The following SHROOM4 variants were observed in gnomAD, a reference collection of about 807,000 sequenced individuals.
SHROOM4 encodes shroom family member 4, also known as protein Shroom4.
SHROOM4 carries 17 observed loss-of-function variants against 80.3 expected under a neutral mutation model. The ratio of observed to expected loss-of-function variants is 0.21; its 90% CI spans 0.14 to 0.32. SHROOM4 has a LOEUF of 0.32. SHROOM4 is among the 10% of genes least tolerant of loss of function. The pLI is 1.00. For synonymous variants in SHROOM4, 400 were observed against 437.5 expected (o/e 0.91, Z 1.07); for missense variants, 993 against 1,140.3 (o/e 0.87, Z 1.86).
chrX:50,801,978 A>T (rs1228426824), intron 1 of SHROOM4, among the ~76,000 whole-genome samples: 2 of 112,117 alleles, frequency 1.8e-5, no homozygotes, highest in Non-Finnish European at 3.8e-5. Flanking sequence ...TCTTTACAAC[A>T]TTCGGATTTT....
At chrX:50,667,161 G>A in intron 2 of SHROOM4, among the ~76,000 whole-genome samples, 1 of 111,100 alleles carries the variant, frequency 9.0e-6, no homozygotes. Context: ...ATCCCCAGAA[G>A]GGATCTTGAC....
intron 2 of SHROOM4, among the ~76,000 whole-genome samples, chrX:50,651,346 TCCAC>T (rs1557258721): frequency 7.1e-5 from 8 of 112,066 alleles, no homozygotes; most frequent in Non-Finnish European, 1.5e-4. Flanking sequence ...CCTTACTAAG[TCCAC>T]CTCAGAAAAG....
intron 1 of SHROOM4, among the ~76,000 whole-genome samples, chrX:50,794,696 A>G (rs1360691249): frequency 9.3e-6 from 1 of 106,993 alleles, no homozygotes; most frequent in East Asian, 2.9e-4. Flanking sequence ...TAGATTCACA[A>G]TCTCTAGATT....
intron 1 of SHROOM4, among the ~76,000 whole-genome samples, chrX:50,808,197 C>T (rs1936267039): frequency 8.9e-6 from 1 of 112,030 alleles, no homozygotes; most frequent in East Asian, 2.8e-4. Context: ...AGAGGAAGCA[C>T]CCTTGTTCTG....
At chrX:50,810,923 T>C (rs782673739) in intron 1 of SHROOM4, among the ~76,000 whole-genome samples, 5 of 111,884 alleles carry the variant, frequency 4.5e-5, no homozygotes, top group East Asian at 5.6e-4. Context: ...AGGAAGCACA[T>C]TGTAAATAGT....
At chrX:50,694,827 T>C (rs1186788480) in intron 2 of SHROOM4, among the ~76,000 whole-genome samples, 4 of 107,741 alleles carry the variant, frequency 3.7e-5, no homozygotes, top group Non-Finnish European at 7.7e-5. Flanking sequence ...GACTCTTCCT[T>C]TGAGACTGAG....
intron 1 of SHROOM4, among the ~76,000 whole-genome samples, chrX:50,719,065 C>A (rs1245853182): frequency 8.9e-6 from 1 of 112,012 alleles, no homozygotes; most frequent in Non-Finnish European, 1.9e-5. Flanking sequence ...CCTTCATAAA[C>A]CCAAACTATA....
chrX:50,685,409 G>T (rs1316173860), intron 2 of SHROOM4, among the ~76,000 whole-genome samples: 1 of 111,932 alleles, frequency 8.9e-6, no homozygotes, highest in East Asian at 2.8e-4. Context: ...TGGGAAGAGA[G>T]ATCTGGCAGT....
intron 1 of SHROOM4, among the ~76,000 whole-genome samples, chrX:50,810,833 C>T (rs1392895412): frequency 8.9e-6 from 1 of 112,385 alleles, no homozygotes; most frequent in Non-Finnish European, 1.9e-5. Context: ...ACATCAGTCT[C>T]GGGTTTTCCA....
At chrX:50,643,424 C>T (rs1931689549) in intron 2 of SHROOM4, 2 of 110,917 alleles carry the variant, frequency 1.8e-5, no homozygotes, top group Non-Finnish European at 3.8e-5. Flanking sequence ...GACCCATCTG[C>T]CCTCCAGTTA....
rs782430645 is a variant in SHROOM4, at chrX:50,607,700, C to T, written c.3442G>A (p.Glu1148Lys). The T allele has an allele frequency of 7.6e-6, 9 of 1,178,827 alleles. No individual in the cohort carries two copies. In the Admixed American group the frequency reaches 1.8e-4, roughly 24 times the overall value. ...EEEEEEEEEE[E>K]EEEAEEEEEE... ...TCCTCCTCCTCTGCCTCCTCCTCCTCCTCTTCCTCTTCCTCTTCTTCTTCT... is the reference window on the plus strand; with the variant it reads ...TCCTCCTCCTCTGCCTCCTCCTCCTTCTCTTCCTCTTCCTCTTCTTCTTCT... The change falls in exon 6 of 9, where the codon GAG (glutamate) becomes AAG (lysine). Residue 1148 changes from glutamate (E) to lysine (K), a missense_variant. By Grantham distance (56) the Glu-to-Lys change is moderately conservative. Transcript: ENST00000376020.
chrX:50,634,111 G>T lies in SHROOM4; in HGVS notation c.1962C>A (p.Phe654Leu). ...KKPPSPRDKL[F>L]NKSMMLRARS... is the part of the protein sequence containing the mutation. ...TAGCTCTGAGCATCATGCTTTTGTT[G>T]AAGAGCTTGTCTCTGGGGCTGGGAG... Residue 654 changes from phenylalanine to leucine, a missense_variant, in exon 4 of 9, where the codon TTC (phenylalanine) becomes TTA (leucine). Transcript: ENST00000376020. 1 of 1,211,693 alleles carries T rather than the reference G, an allele frequency of 8.3e-7. No homozygotes were observed. Among genetic ancestry groups the T allele is most frequent in the African/African-American group, 1.7e-5 (1 of 57,776 alleles).
At chrX:50,736,586 TATC>T (rs782103772) in intron 1 of SHROOM4, among the ~76,000 whole-genome samples, 1 of 112,393 alleles carries the variant, frequency 8.9e-6, no homozygotes, top group South Asian at 3.7e-4. Context: ...AAGGACATGA[TATC>T]ATTTCTTTTT....
chrX:50,723,316 AG>A (rs1485814659), intron 1 of SHROOM4, among the ~76,000 whole-genome samples: 79 of 39,640 alleles, frequency 2.0e-3, no homozygotes, highest in African/African-American at 7.3e-3. Flanking sequence ...TGGTGGGGGG[AG>A]GGGGGGAGGG....
downstream of SHROOM4, among the ~76,000 whole-genome samples, chrX:50,582,591 T>C (rs1259251979): frequency 8.9e-6 from 1 of 111,819 alleles, no homozygotes; most frequent in Non-Finnish European, 1.9e-5. Context: ...ATTTTGGAGA[T>C]TTTTCTTCCT....
At position 50,592,261 on chromosome X, in the gene SHROOM4, T is replaced by A. The variant is rs1183059921; in HGVS notation, c.*4434A>T. 2 of 307,052 alleles carry A rather than the reference T, an allele frequency of 6.5e-6. No homozygotes were observed. The highest frequency in any genetic ancestry group is 2.0e-4 in the East Asian group (2 of 9,964). 25.3% of individuals were successfully genotyped at this position (307,052 alleles called of 1,213,427 possible). A position where few individuals can be genotyped will look rare whatever the true frequency, so the allele number is the denominator to read the frequency against. On this transcript the variant is annotated 3_prime_UTR_variant, in exon 9 of 9. Transcript: ENST00000376020. The stretch of plus-strand genomic sequence containing the variant: ...TGCTGTAATATGTTCATGAATCTCC[T>A]GGAAATCTAGTTAAAATTCAGACTG...
intron 1 of SHROOM4, among the ~76,000 whole-genome samples, chrX:50,799,870 T>C (rs1936085025): frequency 9.0e-6 from 1 of 111,406 alleles, no homozygotes; most frequent in South Asian, 3.8e-4. Flanking sequence ...CCCAACACCA[T>C]AGGAAATGCT....
chrX:50,744,139 A>G (rs782163860), intron 1 of SHROOM4, among the ~76,000 whole-genome samples: 1 of 111,718 alleles, frequency 9.0e-6, no homozygotes, highest in African/African-American at 3.3e-5. Flanking sequence ...TGATGTTTAG[A>G]TTAATGTCTT....
At chrX:50,761,728 T>G (rs1557268897) in intron 1 of SHROOM4, among the ~76,000 whole-genome samples, 1 of 110,470 alleles carries the variant, frequency 9.1e-6, no homozygotes, top group African/African-American at 3.3e-5. Context: ...ACGCCTGGCT[T>G]TTTTGTATTT....
Sources: gnomAD v4.1 joint callset for allele counts (sites outside exome capture counted in the v4.1 genomes callset) on GRCh38, gnomAD v4.1.1 for gene constraint, MANE v1.5 for transcripts, NCBI Gene and HGNC (gene_info 2026-07-23, HGNC 2026-07-21) for gene names.